Variants in ADGRE5 observed in about 807,000 individuals in gnomAD.
ADGRE5 encodes the protein adhesion G protein-coupled receptor E5, also known as CD97 molecule.
Under a neutral mutation model 100.3 loss-of-function variants are expected in ADGRE5, and 72 were observed. The ratio of observed to expected loss-of-function variants is 0.72; its 90% CI spans 0.59 to 0.87. The LOEUF is 0.87. Among genes scored for constraint, ADGRE5 ranks in the 40% least tolerant of loss-of-function variants. The pLI is 0.00. For missense variants in ADGRE5, 959 were observed against 1,094.7 expected (o/e 0.88, Z 1.75); for synonymous variants, 439 against 447.8 (o/e 0.98, Z 0.25).
intron 9 of ADGRE5, among the ~76,000 whole-genome samples, chr19:14,399,563 CAAAAA>C (rs764605166): frequency 6.3e-5 from 2 of 31,850 alleles, no homozygotes; most frequent in Non-Finnish European, 1.3e-4. Context: ...GACTCCGTCT[CAAAAA>C]AAAAAAAAAA....
chr19:14,398,267 C>A, intron 9 of ADGRE5, 128 bp downstream of exon 9: 2 of 759,724 alleles, frequency 2.6e-6, no homozygotes, highest in Admixed American at 2.2e-5. Flanking sequence ...GCATAACATA[C>A]ACACACCACA....
In ADGRE5 at chr19:14,395,916, C is replaced by T. The variant is rs373303828; in HGVS notation, c.347-426C>T. ...GGAGAGCAGCATCCTGCTAGGGCCA[C>T]CAGGATGCTGAGAATTTGGCCAGCG... On this transcript the variant is annotated intron_variant, in intron 4 of 19. Transcript: ENST00000242786. Among the ~76,000 whole-genome samples the T allele has an allele frequency of 1.3e-4, 20 of 152,338 alleles. No individual in the cohort carries two copies. The East Asian group carries it at 1.4e-3, about 10-fold the overall frequency.
Position 14,390,900 on chromosome 19 carries a change from A to T in ADGRE5, c.191-24A>T, listed in dbSNP as rs200548219. ...ACAGAACTCACATCTTTGGGAGGTG[A>T]CTCCCTGTCCTGTTGTGTTCCAGAC... On this transcript the variant is annotated intron_variant, in intron 3 of 19. Transcript: ENST00000242786. 2,947 of 1,609,666 alleles carry T rather than the reference A, an allele frequency of 1.8e-3. 6 individuals carry two copies. Among genetic ancestry groups the T allele is most frequent in the Non-Finnish European group, 2.3e-3 (2,708 of 1,176,802 alleles).
chr19:14,397,321 A>T, intron 6 of ADGRE5, 98 bp downstream of exon 6: 1 of 1,575,452 alleles, frequency 6.3e-7, no homozygotes, highest in Non-Finnish European at 8.7e-7. Flanking sequence ...CGCTGGAGGC[A>T]CCTGGCTGTG....
At chr19:14,384,018 C>A (rs1975247809) in intron 1 of ADGRE5, among the ~76,000 whole-genome samples, 1 of 152,030 alleles carries the variant, frequency 6.6e-6, no homozygotes, top group South Asian at 2.1e-4. Context: ...AAAGGAGTTA[C>A]CTGGGGCTTT....
chr19:14,404,639 A>G lies in ADGRE5; in HGVS notation c.1629+77A>G, dbSNP rs150839099. On this transcript the variant is annotated intron_variant, in intron 13 of 19. Transcript: ENST00000242786. ...CAACCAGACAGGCAGCTAGTTCTCC[A>G]TGGAGCCCTACTGGTTGCTCAGATA... The G allele has an allele frequency of 1.6e-4, 219 of 1,412,296 alleles. 2 individuals carry two copies. The African/African-American group carries it at 2.7e-3, about 18-fold the overall frequency. 87.5% of individuals were successfully genotyped at this position (1,412,296 alleles called of 1,614,324 possible).
intron 9 of ADGRE5, among the ~76,000 whole-genome samples, chr19:14,399,193 A>G (rs1975906271): frequency 6.6e-6 from 1 of 151,830 alleles, no homozygotes; most frequent in Non-Finnish European, 1.5e-5. Flanking sequence ...CCTCCTTCAT[A>G]TAGTCAGTGT....
intron 1 of ADGRE5, among the ~76,000 whole-genome samples, chr19:14,385,501 C>T (rs1461247129): frequency 2.6e-5 from 4 of 152,180 alleles, no homozygotes; most frequent in Non-Finnish European, 4.4e-5. Context: ...ATCTCTGAAT[C>T]CCCTGGTGAC....
Position 14,406,554 on chromosome 19 carries a change from G to C in ADGRE5, c.2045G>C (p.Arg682Thr). The change falls in exon 15 of 20, where the codon AGA becomes ACA. Residue 682 changes from arginine to threonine, a missense_variant. Arg to Thr is a moderately conservative substitution (Grantham distance 71). Transcript: ENST00000242786. The surrounding 1 kb of genome is among the most constrained non-coding windows in gnomAD (Gnocchi z 6.0). ...AIYSKGYGRPRYCWLDFEQGF... is the reference protein window; with the variant it reads ...AIYSKGYGRPTYCWLDFEQGF... ...TACAGCAAGGGCTACGGCCGCCCCA[G>C]ATAGTGAGTGCAGCGAGATGGGGCA... The C allele has an allele frequency of 6.3e-7, 1 of 1,595,474 alleles. No homozygotes were observed. Among genetic ancestry groups the C allele is most frequent in the Non-Finnish European group, 8.5e-7 (1 of 1,171,590 alleles).
At chr19:14,400,089 G>A (rs1030789127) in intron 9 of ADGRE5, among the ~76,000 whole-genome samples, 6 of 151,362 alleles carry the variant, frequency 4.0e-5, no homozygotes, top group Admixed American at 2.0e-4. Context: ...GCACGATCTC[G>A]GCTCACTGCA....
At position 14,407,911 on chromosome 19, in the gene ADGRE5, C is replaced by T. The variant is rs369617596; in HGVS notation, c.2380C>T (p.Arg794Trp). 141 of 1,613,830 alleles carry T rather than the reference C, an allele frequency of 8.7e-5. No homozygotes were observed. The highest frequency in any genetic ancestry group is 5.3e-4 in the South Asian group (48 of 91,056). The change falls in exon 19 of 20, where the codon CGG becomes TGG. Residue 794 changes from arginine to tryptophan, a missense_variant. Arg to Trp is a moderately radical substitution (Grantham distance 101). Transcript: ENST00000242786. Reference protein sequence around the residue: ...LLHCLLNKKVREEYRKWACLV... With the variant: ...LLHCLLNKKVWEEYRKWACLV... ...GACTTGGTGTCTGGGCCGGCAGGTT[C>T]GGGAAGAATACCGGAAGTGGGCCTG...
At chr19:14,385,387 CTCTCTCTGTCTG>C (rs1196897389) in intron 1 of ADGRE5, among the ~76,000 whole-genome samples, 3 of 151,970 alleles carry the variant, frequency 2.0e-5, no homozygotes, top group Non-Finnish European at 4.4e-5. Flanking sequence ...GACTCTTTCT[CTCTCTCTGTCTG>C]TCTCTCTCTC....
At position 14,407,166 on chromosome 19, in the gene ADGRE5, T is replaced by C; in HGVS notation, c.2313T>C (p.Phe771=). Residue 771 remains phenylalanine (F), a synonymous_variant, in exon 18 of 20, where the codon TTT becomes TTC. Coordinates refer to ENST00000242786, the MANE Select transcript of ADGRE5 (RefSeq NM_078481.4). Reference sequence around the variant, plus strand: ...GGAGCTTGGTGCTGACCTATGTGTTTACCATCCTCAACTGCCTGCAGGGCG... The same window carrying C: ...GGAGCTTGGTGCTGACCTATGTGTTCACCATCCTCAACTGCCTGCAGGGCG... ...DDRSLVLTYV[F]TILNCLQGAF... is the part of the protein sequence containing the mutation. 6.2e-7 allele frequency: 1 copy of C among 1,614,118 alleles called. No individual in the cohort carries two copies. Among genetic ancestry groups the C allele is most frequent in the Admixed American group, 1.7e-5 (1 of 60,016 alleles).
rs145711946 is a variant in ADGRE5 at position 14,396,385 on chromosome 19, C to T, written c.390C>T (p.Tyr130=). Residue 130 remains tyrosine, a synonymous_variant, in exon 5 of 20, where the codon TAC becomes TAT. Coordinates refer to ENST00000242786, the MANE Select transcript of ADGRE5 (RefSeq NM_078481.4). The part of the protein sequence containing the change: ...CQQNPRLCKS[Y]GTCVNTLGSY... Reference sequence around the variant, plus strand: ...AGAACCCAAGGCTCTGTAAAAGCTACGGCACCTGCGTCAACACCCTTGGCA... The same window carrying T: ...AGAACCCAAGGCTCTGTAAAAGCTATGGCACCTGCGTCAACACCCTTGGCA... 2.5e-4 allele frequency: 409 copies of T among 1,614,180 alleles called. 1 individual carries two copies. Among genetic ancestry groups the T allele is most frequent in the Non-Finnish European group, 3.2e-4 (373 of 1,180,062 alleles).
At chr19:14,400,165 G>A (rs1014900257) in intron 9 of ADGRE5, among the ~76,000 whole-genome samples, 19 of 151,976 alleles carry the variant, frequency 1.3e-4, no homozygotes, top group Non-Finnish European at 2.1e-4. Flanking sequence ...GACTACAGGC[G>A]CCCACCACCA....
In ADGRE5 at chr19:14,381,499, G is replaced by A; in HGVS notation, c.-25G>A. On this transcript the variant is annotated 5_prime_UTR_variant, in exon 1 of 20. Coordinates refer to ENST00000242786, the MANE Select transcript of ADGRE5 (RefSeq NM_078481.4). Reference sequence around the variant, plus strand: ...CCCTGTCCCACTCACTCTTTCCCCTGCCGCTCCTGCCGGCAGCTCCAACCA... The same window carrying A: ...CCCTGTCCCACTCACTCTTTCCCCTACCGCTCCTGCCGGCAGCTCCAACCA... 6.2e-7 allele frequency: 1 copy of A among 1,609,958 alleles called. No homozygotes were observed. The highest frequency in any genetic ancestry group is 8.5e-7 in the Non-Finnish European group (1 of 1,178,148).
rs372215749 is a variant in ADGRE5, at chr19:14,401,734, C to T, written c.1157C>T (p.Ala386Val). 1.9e-5 allele frequency: 30 copies of T among 1,562,254 alleles called. No homozygotes were observed. Among genetic ancestry groups the T allele is most frequent in the Non-Finnish European group, 2.5e-5 (29 of 1,155,516 alleles). The change falls in exon 11 of 20, where the codon GCT becomes GTT. Residue 386 changes from alanine (A) to valine (V), a missense_variant. By Grantham distance (64) the Ala-to-Val change is moderately conservative. Around this residue, in one of 6 missense-constraint regions of ADGRE5, gnomAD observed 246 missense variants for 242.2 expected, o/e 1.02. Transcript: ENST00000242786. The surrounding 1 kb of genome is among the most constrained non-coding windows in gnomAD (Gnocchi z 4.1). ...AGCGCACGCATGAAGCTGAATTGGGCTGTGGCAGCTGGAGCCGAGGATCCA... is the reference window on the plus strand; with the variant it reads ...AGCGCACGCATGAAGCTGAATTGGGTTGTGGCAGCTGGAGCCGAGGATCCA... ...QSSARMKLNW[A>V]VAAGAEDPGP...
intron 5 of ADGRE5, among the ~76,000 whole-genome samples, chr19:14,396,844 C>G (rs921193942): frequency 6.6e-6 from 1 of 152,176 alleles, no homozygotes; most frequent in African/African-American, 2.4e-5. Context: ...GACTCAGTTT[C>G]CCTTTTGGTT....
chr19:14,392,929 C>T (rs931392641), intron 4 of ADGRE5, among the ~76,000 whole-genome samples: 11 of 149,938 alleles, frequency 7.3e-5, no homozygotes, highest in Admixed American at 6.7e-4. Context: ...TGGCTAGGCG[C>T]GATGGCTCAT....
Sources: allele counts gnomAD v4.1 joint callset (sites outside exome capture counted in the v4.1 genomes callset), GRCh38; gene constraint gnomAD v4.1.1; regional missense constraint gnomAD v4.1.1; non-coding constraint Gnocchi (gnomAD v3.1); transcripts MANE v1.5; gene names NCBI Gene and HGNC (gene_info 2026-07-23, HGNC 2026-07-21).